BAHCC1: variants seen among roughly 807,000 people sequenced by gnomAD.
BAHCC1 encodes the protein BAH domain and coiled-coil containing 1.
Under a neutral mutation model 88.2 loss-of-function variants are expected in BAHCC1, and 43 were observed. The observed-to-expected ratio is 0.49, with a 90% CI of 0.38 to 0.63. The LOEUF (loss-of-function observed/expected upper bound fraction) is 0.63, where lower values mean the gene tolerates loss of function less well. BAHCC1 is among the 20% of genes least tolerant of loss of function. BAHCC1 has a pLI of 0.00. For missense variants in BAHCC1, 3,023 were observed against 1,654.8 expected, an observed-to-expected ratio of 1.83 and a Z score of -14.34; for synonymous variants, 1,510 against 745.5, an observed-to-expected ratio of 2.03 and a Z score of -16.71.
intron 14 of BAHCC1, 141 bp from the exon 15 acceptor site, chr17:81,455,126 A>AC: frequency 1.6e-6 from 1 of 610,686 alleles, no homozygotes; most frequent in Non-Finnish European, 3.0e-6. Flanking sequence ...GGGGCCCCTC[A>AC]CCCCCTGCTC....
intron 3 of BAHCC1, among the ~76,000 whole-genome samples, chr17:81,429,086 C>T (rs1598475204): frequency 2.0e-5 from 3 of 152,356 alleles, no homozygotes; most frequent in East Asian, 3.9e-4. Flanking sequence ...ACCTGGCACC[C>T]TGGCTGGGCG....
rs1303321364 is a variant in BAHCC1 at position 81,444,246 on chromosome 17, G to A, written c.2325-135G>A. On this transcript the variant is annotated intron_variant, in intron 6 of 27. Coordinates refer to ENST00000675386, the MANE Select transcript of BAHCC1 (RefSeq NM_001377448.1). ...CTCCCTCCCAGGTTGATGGCAGGGG[G>A]TGGGACAGGGAGTCAGGCATTGGCA... The A allele has an allele frequency of 8.0e-6, 5 of 622,502 alleles. No individual in the cohort carries two copies. In the East Asian group the frequency reaches 1.4e-4, roughly 17 times the overall value. 38.6% of individuals were successfully genotyped at this position (622,502 alleles called of 1,614,324 possible).
At chr17:81,406,792 C>A in intron 2 of BAHCC1, 1 of 432,320 alleles carries the variant, frequency 2.3e-6, no homozygotes, top group Non-Finnish European at 4.7e-6. Context: ...AGGCGGCGCC[C>A]AGGTCCTGGT....
intron 3 of BAHCC1, 134 bp downstream of exon 3, chr17:81,427,113 C>G: frequency 2.5e-6 from 1 of 398,140 alleles, no homozygotes; most frequent in East Asian, 3.6e-5. Flanking sequence ...CAAGCAGGCT[C>G]GGGTGAGGCT....
At chr17:81,412,677 G>A (rs754225339) in intron 2 of BAHCC1, among the ~76,000 whole-genome samples, 6 of 152,104 alleles carry the variant, frequency 3.9e-5, no homozygotes, top group Non-Finnish European at 8.8e-5. Context: ...CTCTTTCCCC[G>A]TCCGCGCCCC....
chr17:81,397,664 G>A (rs1286366302), intron 1 of BAHCC1, among the ~76,000 whole-genome samples: 1 of 152,048 alleles, frequency 6.6e-6, no homozygotes, highest in African/African-American at 2.4e-5. Context: ...TGACCCCTGC[G>A]CTCGCAGCCC....
At position 81,461,541 on chromosome 17, in the gene BAHCC1, C is replaced by CGGACGA. The variant is rs782052641; in HGVS notation, c.6890_6895dup (p.Glu2297_Asp2298dup). ...GACAGCGACTGCCACAGCTCCTTCT[C>CGGACGA]GGACGAGGACGAGGACGGGCCGGGG... On this transcript the variant is annotated inframe_insertion, in exon 26 of 28. Coordinates refer to ENST00000675386, the MANE Select transcript of BAHCC1 (RefSeq NM_001377448.1). 6.4e-5 allele frequency: 47 copies of CGGACGA among 729,586 alleles called. No individual in the cohort carries two copies. Among genetic ancestry groups the CGGACGA allele is most frequent in the African/African-American group, 2.2e-4 (13 of 58,068 alleles). The allele number at this position is 729,586 out of a possible 1,614,324, so 45.2% of individuals were successfully genotyped here. A position where few individuals can be genotyped will look rare whatever the true frequency, so the allele number is the denominator to read the frequency against.
intron 3 of BAHCC1, among the ~76,000 whole-genome samples, chr17:81,436,019 C>T (rs952742654): frequency 4.6e-5 from 7 of 152,306 alleles, no homozygotes; most frequent in Admixed American, 6.5e-5. Context: ...TTTTCCCTTC[C>T]TTTCTCTGCC....
intron 11 of BAHCC1, 43 bp downstream of exon 11, chr17:81,447,891 G>A (rs1555655045): frequency 1.4e-6 from 1 of 711,040 alleles, no homozygotes; most frequent in East Asian, 2.7e-5. Flanking sequence ...TCCCAGCAGT[G>A]GGACCCACAC....
rs1208682906 is a variant in BAHCC1 at position 81,395,512 on chromosome 17, G to A, written c.-330G>A. 2 of 152,182 alleles carry A rather than the reference G, an allele frequency of 1.3e-5. No individual in the cohort carries two copies. Among genetic ancestry groups the A allele is most frequent in the Non-Finnish European group, 1.5e-5 (1 of 68,032 alleles). 9.4% of individuals were successfully genotyped at this position (152,182 alleles called of 1,614,324 possible). On this transcript the variant is annotated 5_prime_UTR_variant, in exon 1 of 28. It adds an upstream start codon to the 5' untranslated region. Transcript: ENST00000675386. ...GGATGGGCTCGCTAGAGTCGTTGTT[G>A]TGGAAGCGGTGCATTTACAGTGCAA...
In BAHCC1 at chr17:81,466,033, T is replaced by TCGTCCC. The variant is rs2030688671; in HGVS notation, c.*2217_*2222dup. On this transcript the variant is annotated 3_prime_UTR_variant, in exon 28 of 28. Coordinates refer to ENST00000675386, the MANE Select transcript of BAHCC1 (RefSeq NM_001377448.1). ...GATCCTCTGCTCCGCCGCCTCGTCCTCGTCCCGCTTCTGCTGGGTTCCGCT... is the reference window on the plus strand; with the variant it reads ...GATCCTCTGCTCCGCCGCCTCGTCCTCGTCCCCGTCCCGCTTCTGCTGGGTTCCGCT... The TCGTCCC allele has an allele frequency of 1.3e-5, 2 of 152,600 alleles. No individual in the cohort carries two copies. The highest frequency in any genetic ancestry group is 2.1e-4 in the South Asian group (1 of 4,830). 9.5% of individuals were successfully genotyped at this position (152,600 alleles called of 1,614,324 possible). A position where few individuals can be genotyped will look rare whatever the true frequency, so the allele number is the denominator to read the frequency against.
chr17:81,447,994 C>T (rs2064565884), intron 11 of BAHCC1, 146 bp downstream of exon 11: 8 of 624,000 alleles, frequency 1.3e-5, no homozygotes, highest in Admixed American at 1.2e-4. Flanking sequence ...TGTCCGCCTC[C>T]CCTTGCCGTC....
intron 2 of BAHCC1, 36 bp from the exon 3 acceptor site, chr17:81,426,764 G>T (rs978108278): frequency 3.3e-5 from 13 of 398,412 alleles, no homozygotes; most frequent in African/African-American, 2.7e-4. Context: ...CACCCTGGGA[G>T]CTGCCCCCAG....
rs1486685075 is a variant in BAHCC1, at chr17:81,411,845, C to T, written c.178+11928C>T. 3.3e-5 allele frequency among the ~76,000 whole-genome samples: 5 copies of T among 152,252 alleles called. No homozygotes were observed. The highest frequency in any genetic ancestry group is 2.0e-4 in the Admixed American group (3 of 15,284). On this transcript the variant is annotated intron_variant, in intron 2 of 27. Coordinates refer to ENST00000675386, the MANE Select transcript of BAHCC1 (RefSeq NM_001377448.1). This position sits in a 1 kb window ranked among gnomAD's most constrained non-coding sequence, Gnocchi z 6.2. ...GTTCCCGACAAGCCCCTCACCGCCC[C>T]GGCCCCTGCCCCTCCACACCCTGGT...
intron 2 of BAHCC1, among the ~76,000 whole-genome samples, chr17:81,421,695 C>T (rs566037883): frequency 5.3e-4 from 80 of 152,318 alleles, no homozygotes; most frequent in African/African-American, 1.8e-3. Flanking sequence ...AGGGGGATGC[C>T]GGGCAGAGGC....
intron 2 of BAHCC1, among the ~76,000 whole-genome samples, chr17:81,424,460 T>C (rs1350274860): frequency 6.6e-6 from 1 of 152,142 alleles, no homozygotes; most frequent in African/African-American, 2.4e-5. Context: ...TGAAAGTTGA[T>C]TGGGCACAGT....
intron 3 of BAHCC1, 36 bp downstream of exon 3, chr17:81,427,015 G>C (rs1366745277): frequency 5.0e-6 from 2 of 398,398 alleles, no homozygotes; most frequent in Non-Finnish European, 8.8e-6. Flanking sequence ...CGACACCCTG[G>C]TGGCCAAGAG....
intron 3 of BAHCC1, among the ~76,000 whole-genome samples, chr17:81,430,666 C>A (rs1167905714): frequency 6.6e-6 from 1 of 152,184 alleles, no homozygotes; most frequent in Non-Finnish European, 1.5e-5. Flanking sequence ...CGCCCACCCA[C>A]CCCGAGTGTC....
At chr17:81,452,652 C>T (rs2064663152) in intron 13 of BAHCC1, 71 bp from the exon 14 acceptor site, 1 of 637,006 alleles carries the variant, frequency 1.6e-6, no homozygotes, top group Non-Finnish European at 2.8e-6. Flanking sequence ...AAGGCCAATG[C>T]CCTCGGCTGG....
Sources: gnomAD v4.1 joint callset for allele counts (sites outside exome capture counted in the v4.1 genomes callset) on GRCh38, gnomAD v4.1.1 for gene constraint, Gnocchi (gnomAD v3.1) non-coding constraint, MANE v1.5 for transcripts, NCBI Gene and HGNC (gene_info 2026-07-23, HGNC 2026-07-21) for gene names.